Variants in PARG observed in about 807,000 individuals in gnomAD.
PARG encodes mitochondrial poly(ADP-ribose) glycohydrolase.
Under a neutral mutation model 113.0 loss-of-function variants are expected in PARG, and 35 were observed. That is an observed-to-expected ratio of 0.31 (90% CI 0.24 to 0.41). The LOEUF is 0.41. PARG is among the 10% of genes least tolerant of loss of function. The pLI is 1.00. For missense variants in PARG, 797 were observed against 1,169.4 expected, an observed-to-expected ratio of 0.68 and a Z score of 4.64; for synonymous variants, 330 against 409.9, an observed-to-expected ratio of 0.81 and a Z score of 2.36.
chr10:49,901,805 T>G (rs1848359079), intron 7 of PARG, among the ~76,000 whole-genome samples: 1 of 152,208 alleles, frequency 6.6e-6, no homozygotes, highest in African/African-American at 2.4e-5. Context: ...TCAAACAATG[T>G]TGAGAAATCT....
intron 13 of PARG, among the ~76,000 whole-genome samples, chr10:49,845,424 GCCTACACAATTGTGGAGCTGACTAGT>G: frequency 6.6e-6 from 1 of 152,118 alleles, no homozygotes; most frequent in Admixed American, 6.5e-5. Flanking sequence ...CCAAAAATTG[GCCTACACAATTGTGGAGCTGACTAGT>G]CAGGTCCAAA....
rs1476501000 is a variant in PARG at position 49,857,422 on chromosome 10, C to A, written c.2237G>T (p.Gly746Val). The change falls in exon 13 of 18, where the codon GGT becomes GTT. Residue 746 changes from glycine (G) to valine (V), a missense_variant. Gly to Val is a moderately radical substitution (Grantham distance 109). Transcript: ENST00000616448. The part of the protein sequence containing the change: ...VDFANRFVGG[G>V]VTSAGLVQEE... ...TTGCACAAGTCCTGCACTGGTTACA[C>A]CACCTCCAACAAAACGATTTGCAAA... 2 of 1,611,822 alleles carry A rather than the reference C, an allele frequency of 1.2e-6. No individual in the cohort carries two copies. Among genetic ancestry groups the A allele is most frequent in the African/African-American group, 2.7e-5 (2 of 74,806 alleles).
chr10:49,920,497 T>TATATATATAC (rs1420781831), intron 6 of PARG, among the ~76,000 whole-genome samples: 1 of 63,724 alleles, frequency 1.6e-5, no homozygotes. Flanking sequence ...TATATATATA[T>TATATATATAC]ACACACACAC....
rs145703185 is a variant in PARG, at chr10:49,834,691, C to G, written c.2542-1783G>C. On this transcript the variant is annotated intron_variant, in intron 15 of 17. Coordinates refer to ENST00000616448, the MANE Select transcript of PARG (RefSeq NM_003631.5). ...ATCACTTGAGCTCTGGAGTTTGAGA[C>G]CAGCCTGGGCAATATGGCAAGACCT... Among the ~76,000 whole-genome samples, 493 of 152,086 alleles carry G rather than the reference C, an allele frequency of 3.2e-3. 1 individual carries two copies. The highest frequency in any genetic ancestry group is 0.011 in the African/African-American group (466 of 41,484).
intron 7 of PARG, among the ~76,000 whole-genome samples, chr10:49,893,190 A>C (rs1404124781): frequency 1.3e-5 from 2 of 151,990 alleles, no homozygotes; most frequent in African/African-American, 4.8e-5. Context: ...TACATTTTAA[A>C]CTCCCAACAA....
At chr10:49,936,701 A>C (rs1243846174) in intron 1 of PARG, among the ~76,000 whole-genome samples, 4 of 152,216 alleles carry the variant, frequency 2.6e-5, no homozygotes, top group African/African-American at 4.8e-5. Context: ...GAATCTTAGC[A>C]TCCTAAGTCA....
In PARG at chr10:49,920,477, TATATATATATATATATATATAC is replaced by T. The variant is rs1296480534; in HGVS notation, c.1662+1837_1662+1858del. On this transcript the variant is annotated intron_variant, in intron 6 of 17. Coordinates refer to ENST00000616448, the MANE Select transcript of PARG (RefSeq NM_003631.5). ...AAAAAAAAAAAAATATATATATATA[TATATATATATATATATATATAC>T]ACACACACACACATATATATGTATA... Among the ~76,000 whole-genome samples the T allele has an allele frequency of 1.1e-3, 103 of 92,168 alleles. 3 individuals carry two copies. The highest frequency in any genetic ancestry group is 1.6e-3 in the Non-Finnish European group (66 of 42,018). The allele number at this position is 92,168 out of a possible 152,430, so 60.5% of individuals were successfully genotyped here.
At chr10:49,910,010 A>C (rs1837075269) in intron 7 of PARG, 1 of 152,240 alleles carries the variant, frequency 6.6e-6, no homozygotes. Context: ...GTAAAAAAAA[A>C]TTTAAATGAC....
rs371695280 is a variant in PARG at position 49,897,916 on chromosome 10, C to T, written c.1738-12621G>A. ...CTAAGGCATGAGAATCGCTTGAGCT[C>T]GGGAGGTGGAGGTTGCAGTGAGCTG... On this transcript the variant is annotated intron_variant, in intron 7 of 17. Coordinates refer to ENST00000616448, the MANE Select transcript of PARG (RefSeq NM_003631.5). Among the ~76,000 whole-genome samples the T allele has an allele frequency of 1.0e-3, 159 of 152,180 alleles. 3 individuals are homozygous for T. The South Asian group carries it at 0.03, about 28-fold the overall frequency.
At chr10:49,881,409 T>C (rs1214291426) in intron 8 of PARG, among the ~76,000 whole-genome samples, 2 of 152,250 alleles carry the variant, frequency 1.3e-5, no homozygotes, top group African/African-American at 2.4e-5. Context: ...TTTAAAGACA[T>C]GCTGATAAAA....
chr10:49,934,810 C>T (rs1838669806), intron 2 of PARG, among the ~76,000 whole-genome samples: 1 of 151,392 alleles, frequency 6.6e-6, no homozygotes, highest in South Asian at 2.1e-4. Flanking sequence ...GATCACGCCA[C>T]TACACTCCAG....
chr10:49,917,503 A>G (rs1401859835), intron 6 of PARG, among the ~76,000 whole-genome samples: 3 of 148,908 alleles, frequency 2.0e-5, no homozygotes, highest in Non-Finnish European at 4.4e-5. Flanking sequence ...AAAAAAAAAA[A>G]AAAAGAAAAA....
At chr10:49,895,947 C>A (rs1848064589) in intron 7 of PARG, among the ~76,000 whole-genome samples, 1 of 151,788 alleles carries the variant, frequency 6.6e-6, no homozygotes, top group Non-Finnish European at 1.5e-5. Flanking sequence ...TGTATACTGA[C>A]CTTATGTCTT....
At chr10:49,825,933 A>C (rs1844334954) in intron 16 of PARG, among the ~76,000 whole-genome samples, 1 of 152,140 alleles carries the variant, frequency 6.6e-6, no homozygotes, top group Admixed American at 6.5e-5. Flanking sequence ...AATGTTTGGG[A>C]CCAGATTGGT....
chr10:49,837,268 A>G (rs919937032), intron 15 of PARG, among the ~76,000 whole-genome samples: 30 of 152,214 alleles, frequency 2.0e-4, no homozygotes, highest in Admixed American at 3.3e-4. Context: ...GCTTAAAAGT[A>G]GCAAACAGGT....
At chr10:49,837,321 C>T (rs1844989364) in intron 15 of PARG, among the ~76,000 whole-genome samples, 1 of 151,476 alleles carries the variant, frequency 6.6e-6, no homozygotes, top group African/African-American at 2.4e-5. Flanking sequence ...ACGGTGAAAA[C>T]TGGTTTTACT....
intron 13 of PARG, among the ~76,000 whole-genome samples, chr10:49,849,110 G>A (rs1235185393): frequency 1.3e-5 from 2 of 151,916 alleles, no homozygotes; most frequent in South Asian, 2.1e-4. Flanking sequence ...CAGGAGAATC[G>A]CTTGAACCTG....
At chr10:49,857,737 C>T (rs1309257846) in intron 12 of PARG, among the ~76,000 whole-genome samples, 1 of 151,546 alleles carries the variant, frequency 6.6e-6, no homozygotes, top group African/African-American at 2.4e-5. Flanking sequence ...GTTTATAAAC[C>T]TATTTGTGTC....
Position 49,819,385 on chromosome 10 carries a change from G to C in PARG, c.2886C>G (p.Ser962=). ...LYPFIYHAVE[S]CAETADHSGQ... ...CTGAATGGTCAGCGGTCTCTGCACAGGACTCGACAGCATGGTATATGAATG... is the reference window on the plus strand; with the variant it reads ...CTGAATGGTCAGCGGTCTCTGCACACGACTCGACAGCATGGTATATGAATG... Residue 962 remains serine, a synonymous_variant, in exon 18 of 18, where the codon TCC becomes TCG. Transcript: ENST00000616448. The C allele has an allele frequency of 6.4e-7, 1 of 1,551,578 alleles. No homozygotes were observed. The highest frequency in any genetic ancestry group is 8.7e-7 in the Non-Finnish European group (1 of 1,146,874).
Sources: gnomAD v4.1 joint callset for allele counts (sites outside exome capture counted in the v4.1 genomes callset) on GRCh38, gnomAD v4.1.1 for gene constraint, MANE v1.5 for transcripts, NCBI Gene and HGNC (gene_info 2026-07-23, HGNC 2026-07-21) for gene names.